The following RAP1GAP2 variants were observed in gnomAD, a reference collection of about 807,000 sequenced individuals.
RAP1GAP2 encodes the protein rap1 GTPase-activating protein 2.
A neutral mutation model predicts 95.0 loss-of-function variants in RAP1GAP2; 27 were observed. The observed-to-expected ratio is 0.28, with a 90% CI of 0.21 to 0.39. RAP1GAP2 has a LOEUF of 0.39. Among genes scored for constraint, RAP1GAP2 ranks in the 10% least tolerant of loss-of-function variants. The pLI, the probability that RAP1GAP2 is intolerant of heterozygous loss-of-function variation, is 1.00. For synonymous variants in RAP1GAP2, 373 were observed against 380.9 expected (o/e 0.98, Z 0.24); for missense variants, 771 against 970.0 (o/e 0.79, Z 2.72).
At chr17:3,011,729 C>T (rs537369116) in intron 17 of RAP1GAP2, among the ~76,000 whole-genome samples, 1 of 150,110 alleles carries the variant, frequency 6.7e-6, no homozygotes, top group Non-Finnish European at 1.5e-5. Context: ...AAGCGATTCT[C>T]CTGCCTCAGC....
chr17:2,800,637 A>G, intron 2 of RAP1GAP2, 87 bp downstream of exon 2: 1 of 1,387,426 alleles, frequency 7.2e-7, no homozygotes, highest in Non-Finnish European at 1.0e-6. Context: ...TGTGGGAGAC[A>G]CAAGAGGGGC....
intron 1 of RAP1GAP2, among the ~76,000 whole-genome samples, chr17:2,759,740 C>T (rs369702507): frequency 6.6e-5 from 10 of 152,068 alleles, no homozygotes; most frequent in Admixed American, 3.9e-4. Context: ...CATGAGCCAC[C>T]GCGCCCGGCC....
At chr17:2,986,732 C>T (rs189185707) in intron 11 of RAP1GAP2, among the ~76,000 whole-genome samples, 1 of 152,230 alleles carries the variant, frequency 6.6e-6, no homozygotes, top group Admixed American at 6.5e-5. Flanking sequence ...TAAGACCCCT[C>T]CCTGAGTGCA....
At chr17:2,766,240 A>G (rs1057305160) in intron 1 of RAP1GAP2, among the ~76,000 whole-genome samples, 1 of 152,128 alleles carries the variant, frequency 6.6e-6, no homozygotes, top group African/African-American at 2.4e-5. Flanking sequence ...AGTCCTTGTT[A>G]TGAACTGAAT....
At chr17:2,777,346 C>G (rs1407860376) in intron 1 of RAP1GAP2, 1 of 152,256 alleles carries the variant, frequency 6.6e-6, no homozygotes, top group Non-Finnish European at 1.5e-5. Flanking sequence ...TGGAGCTAGG[C>G]TGGGCTTCCT....
rs547917700 is a variant in RAP1GAP2 at position 2,763,228 on chromosome 17, G to C, written c.51-7101G>C. Among the ~76,000 whole-genome samples, 3 of 152,292 alleles carry C rather than the reference G, an allele frequency of 2.0e-5. No homozygotes were observed. The South Asian group carries it at 6.2e-4, about 32-fold the overall frequency. Reference sequence around the variant, plus strand: ...GAGCATTCCGAGGATGTAGTTAGTTGATCACTGTTCTTGCTGTGATTTTTA... The same window carrying C: ...GAGCATTCCGAGGATGTAGTTAGTTCATCACTGTTCTTGCTGTGATTTTTA... On this transcript the variant is annotated intron_variant, in intron 1 of 25. Coordinates refer to the RAP1GAP2 transcript ENST00000637138.
chr17:2,850,877 A>G (rs2071818560), intron 2 of RAP1GAP2, among the ~76,000 whole-genome samples: 1 of 152,046 alleles, frequency 6.6e-6, no homozygotes, highest in Non-Finnish European at 1.5e-5. Flanking sequence ...CCTGGCCAAC[A>G]TGGCGAAACC....
chr17:2,958,600 G>T (rs1056050117), intron 4 of RAP1GAP2, among the ~76,000 whole-genome samples: 1 of 151,998 alleles, frequency 6.6e-6, no homozygotes, highest in African/African-American at 2.4e-5. Flanking sequence ...ATCCCCATAG[G>T]ACAGGTGAGA....
intron 1 of RAP1GAP2, among the ~76,000 whole-genome samples, chr17:2,765,222 C>A (rs1238709013): frequency 6.6e-6 from 1 of 152,192 alleles, no homozygotes; most frequent in Non-Finnish European, 1.5e-5. Context: ...GCCACCTGCA[C>A]AAACCAGGAA....
chr17:2,868,935 A>G (rs1006016749), intron 2 of RAP1GAP2, among the ~76,000 whole-genome samples: 2 of 152,186 alleles, frequency 1.3e-5, no homozygotes, highest in East Asian at 3.8e-4. Context: ...GAAGCTGGAA[A>G]GTCCAAGTTC....
In RAP1GAP2 at chr17:2,956,502, A is replaced by C. The variant is rs543709894; in HGVS notation, c.166-1257A>C. On this transcript the variant is annotated intron_variant, in intron 3 of 24. Coordinates refer to ENST00000254695, the MANE Select transcript of RAP1GAP2 (RefSeq NM_015085.5). ...CTGCAGAGGTAGGAAGAGTGCTTGG[A>C]GGCCCCACCTCTGCCTGAAGAAGAA... 2.0e-4 allele frequency among the ~76,000 whole-genome samples: 30 copies of C among 152,308 alleles called. No individual in the cohort carries two copies. The East Asian group carries it at 5.6e-3, about 28-fold the overall frequency.
chr17:2,997,794 G>A (rs1202984751), intron 13 of RAP1GAP2, among the ~76,000 whole-genome samples: 8 of 151,948 alleles, frequency 5.3e-5, no homozygotes, highest in South Asian at 2.1e-4. Context: ...GTAGTGTCAC[G>A]CGTCTGTAAT....
Position 3,027,045 on chromosome 17 carries a change from G to A in RAP1GAP2, c.2082G>A (p.Pro694=), listed in dbSNP as rs4790115. 0.42 allele frequency: 667,806 copies of A among 1,576,194 alleles called. 144,283 individuals carry two copies. Among genetic ancestry groups the A allele is most frequent in the East Asian group, 0.56 (23,735 of 42,480 alleles). ...CCAGCCTGGGGGCAGCTGCCACCCC[G>A]ATCATCATGAGCCGGAGTCCCACAG... ...ESPSLGAAAT[P]IIMSRSPTDA... Residue 694 remains proline (P), a synonymous_variant, in exon 22 of 25, where the codon CCG becomes CCA. Transcript: ENST00000254695. This position sits in a 1 kb window ranked among gnomAD's most constrained non-coding sequence, Gnocchi z 5.2.
intron 2 of RAP1GAP2, among the ~76,000 whole-genome samples, chr17:2,811,278 C>T (rs1192568519): frequency 6.6e-6 from 1 of 152,176 alleles, no homozygotes; most frequent in South Asian, 2.1e-4. Flanking sequence ...CAGCTAGAGG[C>T]GATGGGCCTC....
chr17:2,812,560 G>A (rs2069814691), intron 2 of RAP1GAP2, among the ~76,000 whole-genome samples: 1 of 152,090 alleles, frequency 6.6e-6, no homozygotes, highest in Non-Finnish European at 1.5e-5. Flanking sequence ...GCTGGTGTAG[G>A]GACCCCCAGC....
At position 2,788,919 on chromosome 17, in the gene RAP1GAP2, AC is replaced by A. The variant is rs2068855029; in HGVS notation, c.-13-11593del. On this transcript the variant is annotated intron_variant, in intron 1 of 24. Coordinates refer to the RAP1GAP2 transcript ENST00000540393. ...TCTTCCAGAAACAACTCACAGACAT[AC>A]CCAGAAATAATATTTCAACAGCTAT... Among the ~76,000 whole-genome samples, 3 of 152,266 alleles carry A rather than the reference AC, an allele frequency of 2.0e-5. No individual in the cohort carries two copies. In the South Asian group the frequency reaches 6.2e-4, roughly 32 times the overall value.
At chr17:2,758,356 A>C (rs2071188002) in intron 1 of RAP1GAP2, among the ~76,000 whole-genome samples, 1 of 151,312 alleles carries the variant, frequency 6.6e-6, no homozygotes, top group Non-Finnish European at 1.5e-5. Context: ...TTTCTATTTT[A>C]GTAGAGAGAG....
At chr17:2,969,814 T>C (rs2044779327) in intron 8 of RAP1GAP2, among the ~76,000 whole-genome samples, 1 of 151,994 alleles carries the variant, frequency 6.6e-6, no homozygotes, top group African/African-American at 2.4e-5. Context: ...TAAATATATA[T>C]ATTCTTATTT....
intron 19 of RAP1GAP2, among the ~76,000 whole-genome samples, chr17:3,022,300 T>C (rs1192442899): frequency 2.0e-5 from 3 of 152,214 alleles, no homozygotes; most frequent in Non-Finnish European, 4.4e-5. Context: ...GGGAACCCTT[T>C]TTCATTGCTG....
Sources: allele counts gnomAD v4.1 joint callset (sites outside exome capture counted in the v4.1 genomes callset), GRCh38; gene constraint gnomAD v4.1.1; non-coding constraint Gnocchi (gnomAD v3.1); transcripts MANE v1.5; gene names NCBI Gene and HGNC (gene_info 2026-07-23, HGNC 2026-07-21).